Variants in PCDHGC4 observed in about 807,000 individuals in gnomAD.
The protein encoded by PCDHGC4 is protocadherin gamma-C4.
A neutral mutation model predicts 59.7 loss-of-function variants in PCDHGC4; 15 were observed. The observed-to-expected ratio is 0.25, with a 90% CI of 0.17 to 0.39. The LOEUF (loss-of-function observed/expected upper bound fraction) is 0.39, where lower values mean the gene tolerates loss of function less well. PCDHGC4 is among the 10% of genes least tolerant of loss of function. The pLI is 1.00. For missense variants in PCDHGC4, 1,016 were observed against 1,189.5 expected, an observed-to-expected ratio of 0.85 and a Z score of 2.15; for synonymous variants, 434 against 481.4, an observed-to-expected ratio of 0.90 and a Z score of 1.29.
At position 141,487,653 on chromosome 5, in the gene PCDHGC4, A is replaced by C. The variant is rs1033173132; in HGVS notation, c.2442+38A>C. The C allele has an allele frequency of 3.1e-6, 5 of 1,613,794 alleles. No individual in the cohort carries two copies. Among genetic ancestry groups the C allele is most frequent in the Non-Finnish European group, 4.2e-6 (5 of 1,179,926 alleles). ...CAGGCTCAACAAATGCTTGAGGGTT[A>C]TTCTGATCCAGGCATATGGCTAGGC... On this transcript the variant is annotated intron_variant, in intron 1 of 3. Transcript: ENST00000306593. This position sits in a 1 kb window ranked among gnomAD's most constrained non-coding sequence, Gnocchi z 5.0.
At position 141,491,910 on chromosome 5, in the gene PCDHGC4, G is replaced by T. The variant is rs946745903; in HGVS notation, c.2443-2897G>T. On this transcript the variant is annotated intron_variant, in intron 1 of 3. Coordinates refer to ENST00000306593, the MANE Select transcript of PCDHGC4 (RefSeq NM_018928.3). This position sits in a 1 kb window ranked among gnomAD's most constrained non-coding sequence, Gnocchi z 6.9. ...GGCTCCGAGCACCGGGGGTGGTGGC[G>T]ACTGTGGGCGAGGGGAGGTGGGACC... 3.6e-6 allele frequency: 5 copies of T among 1,406,946 alleles called. No individual in the cohort carries two copies. Among genetic ancestry groups the T allele is most frequent in the Non-Finnish European group, 4.7e-6 (5 of 1,059,702 alleles). 87.2% of individuals were successfully genotyped at this position (1,406,946 alleles called of 1,614,324 possible).
Position 141,485,444 on chromosome 5 carries a change from G to T in PCDHGC4, c.271G>T (p.Asp91Tyr). 1 of 1,614,108 alleles carries T rather than the reference G, an allele frequency of 6.2e-7. No homozygotes were observed. The highest frequency in any genetic ancestry group is 8.5e-7 in the Non-Finnish European group (1 of 1,180,020). The part of the protein sequence containing the change: ...SGALLIKNPI[D>Y]REALCGLSAS... ...AGCCCTGCTCATCAAGAACCCAATC[G>T]ACCGAGAGGCACTGTGTGGGCTCAG... is the stretch of plus-strand genomic sequence containing the variant. Residue 91 changes from aspartate (D) to tyrosine (Y), a missense_variant, in exon 1 of 4, where the codon GAC becomes TAC. Coordinates refer to ENST00000306593, the MANE Select transcript of PCDHGC4 (RefSeq NM_018928.3). This position sits in a 1 kb window ranked among gnomAD's most constrained non-coding sequence, Gnocchi z 5.7.
Position 141,491,687 on chromosome 5 carries a change from G to A in PCDHGC4, c.2443-3120G>A. On this transcript the variant is annotated intron_variant, in intron 1 of 3. Transcript: ENST00000306593. This position sits in a 1 kb window ranked among gnomAD's most constrained non-coding sequence, Gnocchi z 6.9. Reference sequence around the variant, plus strand: ...ATCCGGTCCCGCTCTAATACGCTGCGGGAGCGGAGCCAGGTGAGGGGCTCG... The same window carrying A: ...ATCCGGTCCCGCTCTAATACGCTGCAGGAGCGGAGCCAGGTGAGGGGCTCG... The A allele has an allele frequency of 6.2e-7, 1 of 1,613,072 alleles. No homozygotes were observed. The highest frequency in any genetic ancestry group is 8.5e-7 in the Non-Finnish European group (1 of 1,179,608).
chr5:141,494,037 T>C (rs2099751443), intron 1 of PCDHGC4, among the ~76,000 whole-genome samples: 1 of 152,146 alleles, frequency 6.6e-6, no homozygotes, highest in South Asian at 2.1e-4. Context: ...GAGACTTAGT[T>C]GGCCCTGCTT....
At chr5:141,504,462 G>A (rs1375731108) in intron 2 of PCDHGC4, among the ~76,000 whole-genome samples, 5 of 152,074 alleles carry the variant, frequency 3.3e-5, no homozygotes, top group African/African-American at 9.7e-5. Flanking sequence ...TGGGGCAGCC[G>A]CTGGGATGGG....
Position 141,485,298 on chromosome 5 carries a change from G to A in PCDHGC4, c.125G>A (p.Gly42Glu), listed in dbSNP as rs1562104502. 1 of 1,613,978 alleles carries A rather than the reference G, an allele frequency of 6.2e-7. No individual in the cohort carries two copies. The change falls in exon 1 of 4, where the codon GGG (glycine) becomes GAG (glutamate). Residue 42 changes from glycine to glutamate, a missense_variant. Coordinates refer to ENST00000306593, the MANE Select transcript of PCDHGC4 (RefSeq NM_018928.3). This position sits in a 1 kb window ranked among gnomAD's most constrained non-coding sequence, Gnocchi z 5.7. ...CCGGTCCCAGAGGAGTCACAGGAAG[G>A]GACTTTTGTAGGGAATGTCGCTCAA... ...RYPVPEESQEGTFVGNVAQDF... is the reference protein window; with the variant it reads ...RYPVPEESQEETFVGNVAQDF...
rs551414580 is a variant in PCDHGC4, at chr5:141,493,693, C to T, written c.2443-1114C>T. ...GCCCCAGAATGGTGCTGGTGACTCC[C>T]GATACACCTGGAATGCTAGGTTTCT... On this transcript the variant is annotated intron_variant, in intron 1 of 3. Coordinates refer to ENST00000306593, the MANE Select transcript of PCDHGC4 (RefSeq NM_018928.3). This position sits in a 1 kb window ranked among gnomAD's most constrained non-coding sequence, Gnocchi z 4.3. 5.3e-5 allele frequency among the ~76,000 whole-genome samples: 8 copies of T among 152,168 alleles called. No individual in the cohort carries two copies. Among genetic ancestry groups the T allele is most frequent in the Non-Finnish European group, 1.0e-4 (7 of 68,032 alleles).
chr5:141,489,837 G>A lies in PCDHGC4; in HGVS notation c.2442+2222G>A. 6.2e-7 allele frequency: 1 copy of A among 1,614,204 alleles called. No individual in the cohort carries two copies. ...TCCCAGAGCTGGTGCTAGAGCAGCAGCTGGATCGTGAAGCCCAGGCAAGAC... is the reference window on the plus strand; with the variant it reads ...TCCCAGAGCTGGTGCTAGAGCAGCAACTGGATCGTGAAGCCCAGGCAAGAC... On this transcript the variant is annotated intron_variant, in intron 1 of 3. Transcript: ENST00000306593. This position sits in a 1 kb window ranked among gnomAD's most constrained non-coding sequence, Gnocchi z 4.5.
Position 141,486,151 on chromosome 5 carries a change from T to C in PCDHGC4, c.978T>C (p.Gly326=), listed in dbSNP as rs570065848. The C allele has an allele frequency of 2.7e-5, 44 of 1,613,914 alleles. No individual in the cohort carries two copies. In the South Asian group the frequency reaches 4.3e-4, roughly 16 times the overall value. The part of the protein sequence containing the change: ...YEFDVRARDG[G]SPAMEQHCSL... ...TTGATGTGCGGGCTCGCGATGGGGGTTCTCCAGCCATGGAGCAACATTGCA... is the reference window on the plus strand; with the variant it reads ...TTGATGTGCGGGCTCGCGATGGGGGCTCTCCAGCCATGGAGCAACATTGCA... The change falls in exon 1 of 4, where the codon GGT becomes GGC. Residue 326 remains glycine, a synonymous_variant. Transcript: ENST00000306593. The surrounding 1 kb of genome is among the most constrained non-coding windows in gnomAD (Gnocchi z 5.0).
chr5:141,512,262 C>G lies in PCDHGC4; in HGVS notation c.*1089C>G, dbSNP rs925517361. On this transcript the variant is annotated 3_prime_UTR_variant, in exon 4 of 4. Transcript: ENST00000306593. ...GAGGGGCCTCTGTGGGTGCTGGGTA[C>G]TCCAGAGGTGCCACTGGTGGAAGGG... 1 of 152,712 alleles carries G rather than the reference C, an allele frequency of 6.5e-6. No homozygotes were observed. The highest frequency in any genetic ancestry group is 2.4e-5 in the African/African-American group (1 of 41,452). 9.5% of individuals were successfully genotyped at this position (152,712 alleles called of 1,614,324 possible).
Position 141,485,190 on chromosome 5 carries a change from G to C in PCDHGC4, c.17G>C (p.Arg6Thr). 6.2e-7 allele frequency: 1 copy of C among 1,613,920 alleles called. No individual in the cohort carries two copies. Among genetic ancestry groups the C allele is most frequent in the Non-Finnish European group, 8.5e-7 (1 of 1,179,788 alleles). MLRKV[R>T]SWTEIWRWAT... is the part of the protein sequence containing the mutation. Reference sequence around the variant, plus strand: ...GCGGCAGCAATGCTCCGCAAGGTGAGAAGCTGGACAGAAATCTGGCGGTGG... The same window carrying C: ...GCGGCAGCAATGCTCCGCAAGGTGACAAGCTGGACAGAAATCTGGCGGTGG... Residue 6 changes from arginine to threonine, a missense_variant, in exon 1 of 4, where the codon AGA becomes ACA. Coordinates refer to ENST00000306593, the MANE Select transcript of PCDHGC4 (RefSeq NM_018928.3). This position sits in a 1 kb window ranked among gnomAD's most constrained non-coding sequence, Gnocchi z 5.7.
chr5:141,488,690 G>A (rs1292736219), intron 1 of PCDHGC4, among the ~76,000 whole-genome samples: 1 of 152,186 alleles, frequency 6.6e-6, no homozygotes, highest in African/African-American at 2.4e-5. Flanking sequence ...TCTCCCAGAA[G>A]GACAAGATTT....
At chr5:141,510,534 C>T (rs1187165551) in intron 3 of PCDHGC4, among the ~76,000 whole-genome samples, 2 of 152,126 alleles carry the variant, frequency 1.3e-5, no homozygotes, top group African/African-American at 2.4e-5. Context: ...AGAGAAATAC[C>T]AGCGAATGTG....
chr5:141,495,721 G>A (rs2099763243), intron 2 of PCDHGC4, among the ~76,000 whole-genome samples: 1 of 152,100 alleles, frequency 6.6e-6, no homozygotes, highest in Non-Finnish European at 1.5e-5. Context: ...TAACTACACG[G>A]GACCCTTAGT....
intron 2 of PCDHGC4, among the ~76,000 whole-genome samples, chr5:141,498,114 G>C (rs1336064850): frequency 6.6e-6 from 1 of 152,196 alleles, no homozygotes; most frequent in East Asian, 1.9e-4. Flanking sequence ...CGTATAATAG[G>C]GATTTGATTT....
rs2099749632 is a variant in PCDHGC4, at chr5:141,493,698, C to T, written c.2443-1109C>T. The stretch of plus-strand genomic sequence containing the variant: ...AGAATGGTGCTGGTGACTCCCGATA[C>T]ACCTGGAATGCTAGGTTTCTGGGTT... On this transcript the variant is annotated intron_variant, in intron 1 of 3. Transcript: ENST00000306593. This position sits in a 1 kb window ranked among gnomAD's most constrained non-coding sequence, Gnocchi z 4.3. Among the ~76,000 whole-genome samples the T allele has an allele frequency of 6.6e-6, 1 of 152,208 alleles. No individual in the cohort carries two copies. Among genetic ancestry groups the T allele is most frequent in the Non-Finnish European group, 1.5e-5 (1 of 68,034 alleles).
Position 141,489,173 on chromosome 5 carries a change from C to T in PCDHGC4, c.2442+1558C>T. 8.3e-7 allele frequency: 1 copy of T among 1,208,434 alleles called. No individual in the cohort carries two copies. Among genetic ancestry groups the T allele is most frequent in the Non-Finnish European group, 1.2e-6 (1 of 860,944 alleles). The allele number at this position is 1,208,434 out of a possible 1,614,324, so 74.9% of individuals were successfully genotyped here. ...CATAAGAGACTTCAGCTGCTGCATTCCAAGCCCTGGGTCTACCTTGGAGAC... is the reference window on the plus strand; with the variant it reads ...CATAAGAGACTTCAGCTGCTGCATTTCAAGCCCTGGGTCTACCTTGGAGAC... On this transcript the variant is annotated intron_variant, in intron 1 of 3. Coordinates refer to ENST00000306593, the MANE Select transcript of PCDHGC4 (RefSeq NM_018928.3). The surrounding 1 kb of genome is among the most constrained non-coding windows in gnomAD (Gnocchi z 4.5).
At position 141,505,413 on chromosome 5, in the gene PCDHGC4, C is replaced by A; in HGVS notation, c.2522C>A (p.Thr841Asn). ...CCCAGCTCCCAAAATGGCGATGACACCGGCACCTGGCCCAACAACCAGTTT... is the reference window on the plus strand; with the variant it reads ...CCCAGCTCCCAAAATGGCGATGACAACGGCACCTGGCCCAACAACCAGTTT... ...GTSGSQNGDD[T>N]GTWPNNQFDT... Residue 841 changes from threonine to asparagine, a missense_variant, in exon 3 of 4, where the codon ACC becomes AAC. Physicochemically the swap from Thr to Asn is moderately conservative, Grantham distance 65 (BLOSUM62 0). Coordinates refer to ENST00000306593, the MANE Select transcript of PCDHGC4 (RefSeq NM_018928.3). 1 of 1,614,202 alleles carries A rather than the reference C, an allele frequency of 6.2e-7. No homozygotes were observed. Among genetic ancestry groups the A allele is most frequent in the Non-Finnish European group, 8.5e-7 (1 of 1,180,046 alleles).
intron 1 of PCDHGC4, among the ~76,000 whole-genome samples, chr5:141,494,447 G>C (rs1413012155): frequency 6.6e-6 from 1 of 152,118 alleles, no homozygotes. Context: ...GCCACTTTAG[G>C]GGGCTTTGTC....
Sources: allele counts gnomAD v4.1 joint callset (sites outside exome capture counted in the v4.1 genomes callset), GRCh38; gene constraint gnomAD v4.1.1; non-coding constraint Gnocchi (gnomAD v3.1); transcripts MANE v1.5; gene names NCBI Gene and HGNC (gene_info 2026-07-23, HGNC 2026-07-21).